The following NCF2 variants were observed in gnomAD, a reference collection of about 807,000 sequenced individuals.
NCF2 encodes the protein neutrophil cytosol factor 2.
A neutral mutation model predicts 70.9 loss-of-function variants in NCF2; 45 were observed. The ratio of observed to expected loss-of-function variants is 0.63; its 90% confidence interval spans 0.50 to 0.81. The LOEUF is 0.81. NCF2 is among the 40% of genes least tolerant of loss of function. NCF2 has a pLI of 0.00. For synonymous variants in NCF2, 203 were observed against 233.6 expected, an observed-to-expected ratio of 0.87 and a Z score of 1.19; for missense variants, 522 against 631.6, an observed-to-expected ratio of 0.83 and a Z score of 1.86.
chr1:183,570,314 G>T (rs3843293), intron 6 of NCF2, among the ~76,000 whole-genome samples: 69,352 of 152,130 alleles, frequency 0.46, 16,170 homozygotes, highest in East Asian at 0.62. Flanking sequence ...CTCTCAGTGC[G>T]CTGCCTGTGT....
intron 6 of NCF2, among the ~76,000 whole-genome samples, chr1:183,570,329 G>A (rs753210181): frequency 2.6e-5 from 4 of 152,352 alleles, no homozygotes; most frequent in Admixed American, 6.5e-5. Flanking sequence ...CTGTGTTCCC[G>A]AAGGAAACCC....
Position 183,555,851 on chromosome 1 carries a change from C to G in NCF2, c.*267G>C, listed in dbSNP as rs1472407369. 6 of 532,046 alleles carry G rather than the reference C, an allele frequency of 1.1e-5. No homozygotes were observed. The highest frequency in any genetic ancestry group is 2.0e-5 in the Non-Finnish European group (6 of 294,538). The allele number at this position is 532,046 out of a possible 1,614,324, so 33.0% of individuals were successfully genotyped here. A position where few individuals can be genotyped will look rare whatever the true frequency, so the allele number is the denominator to read the frequency against. On this transcript the variant is annotated 3_prime_UTR_variant, in exon 15 of 15. Transcript: ENST00000367535. Reference sequence around the variant, plus strand: ...AAACAGGATCAGTACCTGGAAGACTCTCTCGTGCCCTTTCCAGACACTTCC... The same window carrying G: ...AAACAGGATCAGTACCTGGAAGACTGTCTCGTGCCCTTTCCAGACACTTCC...
At position 183,563,563 on chromosome 1, in the gene NCF2, A is replaced by C; in HGVS notation, c.1049T>G (p.Met350Arg). ...EPKEVKLSVPMPYTLKVHYKY... is the reference protein window; with the variant it reads ...EPKEVKLSVPRPYTLKVHYKY... ...GTAGTGCACCTTGAGTGTGTAGGGC[A>C]TGGGAACACTGAGCTTCACTTCCTG... Residue 350 changes from methionine (M) to arginine (R), a missense_variant, in exon 12 of 15, where the codon ATG (methionine) becomes AGG (arginine). Met to Arg is a moderately conservative substitution (Grantham distance 91). Coordinates refer to ENST00000367535, the MANE Select transcript of NCF2 (RefSeq NM_000433.4). The C allele has an allele frequency of 6.2e-7, 1 of 1,613,822 alleles. No individual in the cohort carries two copies. The highest frequency in any genetic ancestry group is 1.1e-5 in the South Asian group (1 of 91,068).
chr1:183,576,364 G>A (rs561237111), intron 3 of NCF2, among the ~76,000 whole-genome samples: 1 of 152,258 alleles, frequency 6.6e-6, no homozygotes, highest in East Asian at 1.9e-4. Context: ...CCTTTTTCTA[G>A]AGCCACTTGT....
rs548914467 is a variant in NCF2, at chr1:183,580,301, G to A, written c.258-2594C>T. Among the ~76,000 whole-genome samples the A allele has an allele frequency of 1.5e-3, 225 of 152,230 alleles. 1 individual carries two copies. Among genetic ancestry groups the A allele is most frequent in the Non-Finnish European group, 2.2e-3 (153 of 68,028 alleles). On this transcript the variant is annotated intron_variant, in intron 2 of 14. Coordinates refer to ENST00000367535, the MANE Select transcript of NCF2 (RefSeq NM_000433.4). ...ATGGGGCCTTTCATGTCTTTTCCAC[G>A]CATCTTTCTGGGTTCCTGGAAAGAG...
chr1:183,574,524 C>G lies in NCF2; in HGVS notation c.464G>C (p.Arg155Thr). ...CATCGCCTTGTCGATTTTGGAATGT[C>G]TGGGCTCAGACTTCATGCTCGTGGC... ...ALATSMKSEP[R>T]HSKIDKAMEC... Residue 155 changes from arginine (R) to threonine (T), a missense_variant, in exon 4 of 15, where the codon AGA becomes ACA. Arg to Thr is a moderately conservative substitution (Grantham distance 71). Transcript: ENST00000367535. 6.2e-7 allele frequency: 1 copy of G among 1,614,230 alleles called. No homozygotes were observed. The highest frequency in any genetic ancestry group is 8.5e-7 in the Non-Finnish European group (1 of 1,180,040).
At chr1:183,556,483 GAAGA>G (rs1173436389) in intron 14 of NCF2, among the ~76,000 whole-genome samples, 3 of 152,132 alleles carry the variant, frequency 2.0e-5, no homozygotes, top group African/African-American at 7.2e-5. Context: ...ACCAGATAGA[GAAGA>G]AGGGTCAAAG....
At chr1:183,582,965 G>A (rs1376421710) in intron 2 of NCF2, among the ~76,000 whole-genome samples, 2 of 152,060 alleles carry the variant, frequency 1.3e-5, no homozygotes, top group African/African-American at 4.8e-5. Context: ...ACATACGAAA[G>A]TGGGGAAAAT....
chr1:183,569,262 G>A (rs1672442240), intron 6 of NCF2, 77 bp from the exon 7 acceptor site: 1 of 1,298,240 alleles, frequency 7.7e-7, no homozygotes, highest in East Asian at 2.3e-5. Flanking sequence ...ACGGCTAATG[G>A]TAATTTGAGC....
chr1:183,590,563 G>C, upstream of NCF2: 1 of 597,192 alleles, frequency 1.7e-6, no homozygotes, highest in African/African-American at 1.9e-5. Context: ...AGAGAGAAAA[G>C]GAAAGAAGCA....
intron 1 of NCF2, among the ~76,000 whole-genome samples, chr1:183,588,190 T>C (rs1428111380): frequency 6.6e-6 from 1 of 152,194 alleles, no homozygotes; most frequent in Admixed American, 6.5e-5. Context: ...GATAATGATG[T>C]CAAACTTAAA....
At chr1:183,600,119 A>G in the NCF2 span, among the ~76,000 whole-genome samples, 3 of 152,242 alleles carry the variant, frequency 2.0e-5, no homozygotes, top group Non-Finnish European at 4.4e-5. Flanking sequence ...TGACTCATAT[A>G]GATTCACAAA....
chr1:183,582,026 G>A (rs796416120), intron 2 of NCF2, among the ~76,000 whole-genome samples: 3 of 152,296 alleles, frequency 2.0e-5, no homozygotes, highest in Non-Finnish European at 2.9e-5. Context: ...CAGCCCCCTC[G>A]TTCCCTGCTG....
At chr1:183,594,235 A>G (rs1342327528), upstream of NCF2, among the ~76,000 whole-genome samples, 3 of 142,230 alleles carry the variant, frequency 2.1e-5, no homozygotes, top group South Asian at 2.2e-4. Context: ...GCCAGACCCC[A>G]TCTCTACAGA....
intron 7 of NCF2, among the ~76,000 whole-genome samples, chr1:183,568,696 G>C (rs1372771824): frequency 2.0e-5 from 3 of 149,778 alleles, no homozygotes; most frequent in Non-Finnish European, 4.4e-5. Context: ...CCTGACTCCA[G>C]AGAGCTCTGG....
chr1:183,560,583 T>A (rs1278689924), intron 13 of NCF2, among the ~76,000 whole-genome samples: 1 of 152,118 alleles, frequency 6.6e-6, no homozygotes, highest in East Asian at 1.9e-4. Flanking sequence ...GGCATTAGAT[T>A]CTCATAAAGA....
chr1:183,566,601 A>G (rs750767231), intron 9 of NCF2, among the ~76,000 whole-genome samples: 5 of 152,212 alleles, frequency 3.3e-5, no homozygotes, highest in Non-Finnish European at 5.9e-5. Flanking sequence ...TTCCACGTGA[A>G]GCAGACACAC....
chr1:183,565,862 G>C, intron 9 of NCF2, 83 bp from the exon 10 acceptor site: 2 of 1,360,806 alleles, frequency 1.5e-6, no homozygotes, highest in Non-Finnish European at 2.1e-6. Flanking sequence ...CCCCTACAGA[G>C]ACCCCATGTA....
chr1:183,577,193 G>A (rs530584489), intron 3 of NCF2, among the ~76,000 whole-genome samples: 30 of 152,244 alleles, frequency 2.0e-4, no homozygotes, highest in African/African-American at 7.0e-4. Context: ...GGTCCTGCAC[G>A]GACAATGAAC....
Sources: gnomAD v4.1 joint callset for allele counts (sites outside exome capture counted in the v4.1 genomes callset) on GRCh38, gnomAD v4.1.1 for gene constraint, MANE v1.5 for transcripts, NCBI Gene and HGNC (gene_info 2026-07-23, HGNC 2026-07-21) for gene names.